The following KLHL8 variants were observed in gnomAD, a reference collection of about 807,000 sequenced individuals.
KLHL8 encodes the protein kelch-like protein 8.
KLHL8 carries 38 observed loss-of-function variants against 63.5 expected under a neutral mutation model. The observed-to-expected ratio is 0.60, with a 90% CI of 0.46 to 0.78. The LOEUF is 0.78. Among genes scored for constraint, KLHL8 ranks in the 30% least tolerant of loss-of-function variants. The pLI is 0.00. For synonymous variants in KLHL8, 224 were observed against 254.3 expected (o/e 0.88, Z 1.13); for missense variants, 566 against 752.4 (o/e 0.75, Z 2.90).
At chr4:87,235,029 A>G (rs1213230349) in intron 1 of KLHL8, among the ~76,000 whole-genome samples, 1 of 152,186 alleles carries the variant, frequency 6.6e-6, no homozygotes, top group Admixed American at 6.5e-5. Context: ...TAAAGTTTAT[A>G]AAGTAAAATA....
chr4:87,239,371 C>A (rs142343283), intron 1 of KLHL8, among the ~76,000 whole-genome samples: 1 of 152,186 alleles, frequency 6.6e-6, no homozygotes, highest in Admixed American at 6.5e-5. Flanking sequence ...GGCTCCAGTG[C>A]GCCTGTTAAG....
chr4:87,200,596 A>C (rs1463021069), intron 1 of KLHL8, among the ~76,000 whole-genome samples: 1 of 152,192 alleles, frequency 6.6e-6, no homozygotes, highest in African/African-American at 2.4e-5. Context: ...GATCAAAATC[A>C]TGAGATATCA....
upstream of KLHL8, among the ~76,000 whole-genome samples, chr4:87,224,061 ATTTTTT>A (rs200022877): frequency 6.8e-6 from 1 of 147,408 alleles, no homozygotes; most frequent in Non-Finnish European, 1.5e-5. Context: ...CAACATTTGC[ATTTTTT>A]TTTTTTAAAT....
intron 1 of KLHL8, among the ~76,000 whole-genome samples, chr4:87,202,163 A>G (rs983965147): frequency 6.6e-6 from 1 of 152,192 alleles, no homozygotes; most frequent in African/African-American, 2.4e-5. Flanking sequence ...TTCAGAAACC[A>G]GAAACTAGAA....
chr4:87,173,341 T>C (rs1730704084), intron 6 of KLHL8, among the ~76,000 whole-genome samples: 1 of 152,242 alleles, frequency 6.6e-6, no homozygotes, highest in Non-Finnish European at 1.5e-5. Context: ...ACACTGGCTA[T>C]GTTTTCTACT....
At chr4:87,192,806 C>T (rs910945562) in intron 2 of KLHL8, among the ~76,000 whole-genome samples, 3 of 152,164 alleles carry the variant, frequency 2.0e-5, no homozygotes, top group African/African-American at 4.8e-5. Flanking sequence ...TGGCTTATTA[C>T]TGTACTGCAC....
At chr4:87,212,814 T>C (rs1358058881) in intron 1 of KLHL8, among the ~76,000 whole-genome samples, 2 of 152,204 alleles carry the variant, frequency 1.3e-5, no homozygotes, top group East Asian at 3.8e-4. Context: ...ACATGCTGTA[T>C]AGGTTTGTAA....
chr4:87,183,255 T>C lies in KLHL8; in HGVS notation c.900A>G (p.Ala300=), dbSNP rs1455650599. Reference sequence around the variant, plus strand: ...GAATGGAGTATTCAAAGTCAGGTACTGCTCTGCTACTCAAGTGAAGGTGGT... The same window carrying C: ...GAATGGAGTATTCAAAGTCAGGTACCGCTCTGCTACTCAAGTGAAGGTGGT... ...RNYHLHLSSR[A]VPDFEYSIRT... is the part of the protein sequence containing the mutation. Residue 300 remains alanine (A), a synonymous_variant, in exon 4 of 10, where the codon GCA becomes GCG. Transcript: ENST00000273963. 1 of 1,613,738 alleles carries C rather than the reference T, an allele frequency of 6.2e-7. No individual in the cohort carries two copies. The highest frequency in any genetic ancestry group is 2.2e-5 in the East Asian group (1 of 44,878).
At chr4:87,197,761 A>C (rs1327171433) in intron 1 of KLHL8, among the ~76,000 whole-genome samples, 1 of 152,108 alleles carries the variant, frequency 6.6e-6, no homozygotes, top group Non-Finnish European at 1.5e-5. Context: ...ATCTCTCTTA[A>C]ATTCACATTC....
chr4:87,235,267 A>AT (rs1211421410), intron 1 of KLHL8, among the ~76,000 whole-genome samples: 1 of 152,076 alleles, frequency 6.6e-6, no homozygotes, highest in Admixed American at 6.5e-5. Flanking sequence ...TACAAGTATC[A>AT]TTTTTTATCT....
chr4:87,203,138 A>G (rs1418746444), intron 1 of KLHL8, among the ~76,000 whole-genome samples: 15 of 152,220 alleles, frequency 9.9e-5, no homozygotes, highest in Admixed American at 6.5e-4. Flanking sequence ...AGAAAAGGCA[A>G]AGACTGGAAA....
At chr4:87,227,657 TA>T (rs1418892490) in intron 1 of KLHL8, among the ~76,000 whole-genome samples, 1 of 152,004 alleles carries the variant, frequency 6.6e-6, no homozygotes, top group Non-Finnish European at 1.5e-5. Flanking sequence ...TCTAAATAAA[TA>T]ACTAAGTTAT....
intron 1 of KLHL8, among the ~76,000 whole-genome samples, chr4:87,228,079 A>C (rs886870405): frequency 1.3e-5 from 2 of 152,152 alleles, no homozygotes; most frequent in African/African-American, 4.8e-5. Flanking sequence ...TGGTTGGTGA[A>C]CACATTGATG....
intron 1 of KLHL8, among the ~76,000 whole-genome samples, chr4:87,204,358 G>A (rs567654437): frequency 6.6e-6 from 1 of 151,836 alleles, no homozygotes; most frequent in South Asian, 2.1e-4. Flanking sequence ...ACTGCTGGTG[G>A]CAATGCAAAA....
intron 1 of KLHL8, among the ~76,000 whole-genome samples, chr4:87,239,990 T>G (rs1733299661): frequency 6.6e-6 from 1 of 152,278 alleles, no homozygotes; most frequent in South Asian, 2.1e-4. Context: ...GATGGAATTT[T>G]AAATGTTTGC....
chr4:87,184,342 AG>A (rs1258506849), intron 3 of KLHL8, among the ~76,000 whole-genome samples: 1 of 152,196 alleles, frequency 6.6e-6, no homozygotes, highest in African/African-American at 2.4e-5. Flanking sequence ...TACTCTGAAT[AG>A]GTTTACTTCA....
chr4:87,195,647 G>T lies in KLHL8; in HGVS notation c.-108C>A. ...TAGATGTAGACACTACAATTCAGAC[G>T]TTTTTCAAAACCCACTCAACTGCCA... On this transcript the variant is annotated 5_prime_UTR_variant, in exon 2 of 10. Transcript: ENST00000273963. 1.1e-6 allele frequency: 1 copy of T among 873,882 alleles called. No individual in the cohort carries two copies. The highest frequency in any genetic ancestry group is 1.7e-5 in the South Asian group (1 of 58,902). The allele number at this position is 873,882 out of a possible 1,614,324, so 54.1% of individuals were successfully genotyped here. A position where few individuals can be genotyped will look rare whatever the true frequency, so the allele number is the denominator to read the frequency against.
intron 1 of KLHL8, chr4:87,207,368 T>C (rs1340131145): frequency 1.1e-5 from 7 of 658,466 alleles, no homozygotes; most frequent in Admixed American, 1.9e-5. Flanking sequence ...GCTGAGTACG[T>C]TGTGGAGTCC....
upstream of KLHL8, among the ~76,000 whole-genome samples, chr4:87,222,378 C>T (rs146073245): frequency 6.6e-6 from 1 of 152,248 alleles, no homozygotes; most frequent in Admixed American, 6.5e-5. Flanking sequence ...ATATAAACGT[C>T]TCTACCCCAT....
Sources: allele counts gnomAD v4.1 joint callset (sites outside exome capture counted in the v4.1 genomes callset), GRCh38; gene constraint gnomAD v4.1.1; transcripts MANE v1.5; gene names NCBI Gene and HGNC (gene_info 2026-07-23, HGNC 2026-07-21).